ATAD2: variants seen among roughly 807,000 people sequenced by gnomAD.
The protein encoded by ATAD2 is ATPase family AAA domain containing 2.
Under a neutral mutation model 168.9 loss-of-function variants are expected in ATAD2, and 62 were observed. That is an observed-to-expected ratio of 0.37 (90% CI 0.30 to 0.45). The LOEUF (loss-of-function observed/expected upper bound fraction) is 0.45. Among genes scored for constraint, ATAD2 ranks in the 20% least tolerant of loss-of-function variants. The pLI, the probability that ATAD2 is intolerant of heterozygous loss-of-function variation, is 1.00. For missense variants in ATAD2, 1,419 were observed against 1,667.8 expected, an observed-to-expected ratio of 0.85 and a Z score of 2.60; for synonymous variants, 613 against 571.6, an observed-to-expected ratio of 1.07 and a Z score of -1.03.
At chr8:123,336,093 G>A (rs1270938270) in intron 22 of ATAD2, among the ~76,000 whole-genome samples, 6 of 152,072 alleles carry the variant, frequency 3.9e-5, no homozygotes, top group African/African-American at 1.4e-4. Context: ...GCCATTTTGT[G>A]TCTCATTAGA....
At chr8:123,325,159 C>T (rs1327968486) in intron 26 of ATAD2, among the ~76,000 whole-genome samples, 16 of 145,384 alleles carry the variant, frequency 1.1e-4, no homozygotes, top group Admixed American at 4.9e-4. Flanking sequence ...CTGGAAGGCA[C>T]GATCTCGGCT....
intron 19 of ATAD2, among the ~76,000 whole-genome samples, chr8:123,342,940 A>G (rs1224272067): frequency 6.6e-6 from 1 of 150,466 alleles, no homozygotes; most frequent in Non-Finnish European, 1.5e-5. Context: ...CCAATGGTTC[A>G]CTACCTTACG....
At position 123,339,238 on chromosome 8, in the gene ATAD2, T is replaced by C. The variant is rs1192043388; in HGVS notation, c.2854+73A>G. 4.7e-6 allele frequency: 6 copies of C among 1,283,080 alleles called. No individual in the cohort carries two copies. The African/African-American group carries it at 7.6e-5, about 16-fold the overall frequency. 79.5% of individuals were successfully genotyped at this position (1,283,080 alleles called of 1,614,324 possible). On this transcript the variant is annotated intron_variant, in intron 20 of 27. Coordinates refer to ENST00000287394, the MANE Select transcript of ATAD2 (RefSeq NM_014109.4). ...TTTTGAGCTTGTGTTATCAGATACATGTCAATGCCATTAACTATTTCATTC... is the reference window on the plus strand; with the variant it reads ...TTTTGAGCTTGTGTTATCAGATACACGTCAATGCCATTAACTATTTCATTC...
intron 20 of ATAD2, among the ~76,000 whole-genome samples, 181 bp downstream of exon 20, chr8:123,339,130 T>C (rs1827998355): frequency 6.6e-6 from 1 of 152,170 alleles, no homozygotes; most frequent in Non-Finnish European, 1.5e-5. Flanking sequence ...TGAAAGACTT[T>C]GTGTACCTTA....
chr8:123,337,929 T>A, intron 20 of ATAD2, 108 bp from the exon 21 acceptor site: 1 of 1,042,966 alleles, frequency 9.6e-7, no homozygotes, highest in Non-Finnish European at 1.4e-6. Context: ...TCCTCATATA[T>A]GCAAGGAATC....
intron 1 of ATAD2, among the ~76,000 whole-genome samples, chr8:123,412,794 A>C (rs1813179599): frequency 6.6e-6 from 1 of 152,112 alleles, no homozygotes; most frequent in African/African-American, 2.4e-5. Flanking sequence ...ACTTGGTTCC[A>C]AATCCCTGCA....
chr8:123,345,010 C>A lies in ATAD2; in HGVS notation c.2592G>T (p.Val864=). 6.2e-7 allele frequency: 1 copy of A among 1,614,048 alleles called. No homozygotes were observed. Among genetic ancestry groups the A allele is most frequent in the Non-Finnish European group, 8.5e-7 (1 of 1,179,956 alleles). Reference sequence around the variant, plus strand: ...GTGTCGGTCCAACTATTTCCCACCACACGTGGATATGAGGAACATACACTA... The same window carrying A: ...GTGTCGGTCCAACTATTTCCCACCAAACGTGGATATGAGGAACATACACTA... ...PSIVYVPHIH[V]WWEIVGPTLK... Residue 864 remains valine (V), a synonymous_variant, in exon 19 of 28, where the codon GTG becomes GTT. Coordinates refer to ENST00000287394, the MANE Select transcript of ATAD2 (RefSeq NM_014109.4).
chr8:123,410,154 T>C (rs980867103), intron 1 of ATAD2, among the ~76,000 whole-genome samples: 8 of 152,192 alleles, frequency 5.3e-5, no homozygotes, highest in African/African-American at 1.7e-4. Context: ...CACAGGTTTC[T>C]TTGAGTAGCA....
At chr8:123,361,791 C>T (rs546139202) in intron 8 of ATAD2, 145 bp from the exon 9 acceptor site, 42 of 558,692 alleles carry the variant, frequency 7.5e-5, no homozygotes, top group East Asian at 5.3e-4. Flanking sequence ...AAACTTTGTT[C>T]GCTGAATCTT....
intron 8 of ATAD2, among the ~76,000 whole-genome samples, 186 bp from the exon 9 acceptor site, chr8:123,361,832 G>A (rs879461423): frequency 2.0e-5 from 3 of 152,134 alleles, no homozygotes; most frequent in Non-Finnish European, 4.4e-5. Context: ...AAACAACTGA[G>A]AGGAAAGGAA....
At chr8:123,401,916 G>A in intron 1 of ATAD2, 2 of 774,604 alleles carry the variant, frequency 2.6e-6, no homozygotes, top group Non-Finnish European at 4.8e-6. Context: ...CAGGACAAAG[G>A]GTCCATTCAG....
chr8:123,369,914 C>A lies in ATAD2; in HGVS notation c.838G>T (p.Asp280Tyr). Residue 280 changes from aspartate (D) to tyrosine (Y), a missense_variant, in exon 7 of 28, where the codon GAT becomes TAT. Around this residue, in one of 5 missense-constraint regions of ATAD2, gnomAD observed 419 missense variants for 423.5 expected, o/e 0.99. Transcript: ENST00000287394. ...DDDDDDDDED[D>Y]EDEEDGEEEN... ...TCTTCTCCATCTTCTTCATCTTCAT[C>A]ATCTTCATCATCATCATCATCATCA... 6.3e-7 allele frequency: 1 copy of A among 1,588,386 alleles called. No individual in the cohort carries two copies. Among genetic ancestry groups the A allele is most frequent in the Non-Finnish European group, 8.6e-7 (1 of 1,165,008 alleles).
rs185373879 is a variant in ATAD2, at chr8:123,331,431, G to T, written c.3478+2447C>A. 4.1e-3 allele frequency among the ~76,000 whole-genome samples: 615 copies of T among 151,478 alleles called. 6 individuals are homozygous for T. Among genetic ancestry groups the T allele is most frequent in the African/African-American group, 0.014 (590 of 41,270 alleles). ...TTTTTTTTATTTTTAGTAGAGACGGGGTTTCACTGTGTTGACCAGGCTTGT... is the reference window on the plus strand; with the variant it reads ...TTTTTTTTATTTTTAGTAGAGACGGTGTTTCACTGTGTTGACCAGGCTTGT... On this transcript the variant is annotated intron_variant, in intron 24 of 27. Coordinates refer to ENST00000287394, the MANE Select transcript of ATAD2 (RefSeq NM_014109.4).
intron 1 of ATAD2, among the ~76,000 whole-genome samples, chr8:123,411,415 T>G (rs1813155359): frequency 6.6e-6 from 1 of 152,060 alleles, no homozygotes; most frequent in Non-Finnish European, 1.5e-5. Context: ...CCAACAGCAC[T>G]TGGGTTTTCC....
Position 123,336,484 on chromosome 8 carries a change from C to T in ATAD2, c.3100G>A (p.Val1034Ile). The T allele has an allele frequency of 6.5e-7, 1 of 1,531,172 alleles. No individual in the cohort carries two copies. Among genetic ancestry groups the T allele is most frequent in the Non-Finnish European group, 8.7e-7 (1 of 1,147,820 alleles). The allele number at this position is 1,531,172 out of a possible 1,614,324, so 94.8% of individuals were successfully genotyped here. Reference protein sequence around the residue: ...VIKQPMDLSSVISKIDLHKYL... With the variant: ...VIKQPMDLSSIISKIDLHKYL... ...TTGTGTAGATCAATTTTACTGATTA[C>T]AGATGAAAGGTCCATTGGTTGCTTT... Residue 1034 changes from valine to isoleucine, a missense_variant, in exon 22 of 28, where the codon GTA (valine) becomes ATA (isoleucine). Physicochemically the swap from Val to Ile is conservative, Grantham distance 29. This residue lies in a region of ATAD2 where 545 missense variants were observed against 724.9 expected (regional missense o/e 0.75). Transcript: ENST00000287394.
At chr8:123,382,363 A>G (rs1295756299) in intron 1 of ATAD2, among the ~76,000 whole-genome samples, 1 of 152,242 alleles carries the variant, frequency 6.6e-6, no homozygotes, top group Non-Finnish European at 1.5e-5. Flanking sequence ...ATGATGTGTA[A>G]GATTTGTCAC....
intron 8 of ATAD2, among the ~76,000 whole-genome samples, chr8:123,363,742 TTAAC>T (rs1157629399): frequency 4.6e-5 from 7 of 152,182 alleles, no homozygotes; most frequent in South Asian, 2.1e-4. Context: ...AAGACTAACA[TTAAC>T]TGACTGCTTT....
intron 9 of ATAD2, 87 bp from the exon 10 acceptor site, chr8:123,359,772 T>TAA: frequency 2.4e-6 from 2 of 842,952 alleles, no homozygotes; most frequent in Non-Finnish European, 3.6e-6. Flanking sequence ...ACATTTAAGT[T>TAA]AAAAAAAAAA....
intron 13 of ATAD2, among the ~76,000 whole-genome samples, chr8:123,354,864 A>AAAAAAAAATATATATAT (rs1554644338): frequency 6.2e-5 from 4 of 64,714 alleles, no homozygotes; most frequent in African/African-American, 3.5e-4. Context: ...AAAAAAAAAA[A>AAAAAAAAATATATATAT]ATATATATAT....
Sources: gnomAD v4.1 joint callset for allele counts (sites outside exome capture counted in the v4.1 genomes callset) on GRCh38, gnomAD v4.1.1 for gene constraint, gnomAD v4.1.1 regional missense constraint, MANE v1.5 for transcripts, NCBI Gene and HGNC (gene_info 2026-07-23, HGNC 2026-07-21) for gene names.